PCSK7: variants seen among roughly 807,000 people sequenced by gnomAD.
PCSK7 encodes the protein lymphoma proprotein convertase.
In PCSK7, 38 loss-of-function variants were observed where a neutral mutation model predicts 73.3. The ratio of observed to expected loss-of-function variants is 0.52; its 90% CI spans 0.40 to 0.68. The LOEUF is 0.68. Ranked by LOEUF, PCSK7 falls within the 30% of genes least tolerant of loss-of-function variation. The pLI is 0.00. For missense variants in PCSK7, 692 were observed against 991.5 expected (o/e 0.70, Z 4.06); for synonymous variants, 296 against 383.8 (o/e 0.77, Z 2.68).
In PCSK7 at chr11:117,205,684, G is replaced by A. The variant is rs979762879; in HGVS notation, c.*313C>T. 4 of 298,472 alleles carry A rather than the reference G, an allele frequency of 1.3e-5. No individual in the cohort carries two copies. Among genetic ancestry groups the A allele is most frequent in the Non-Finnish European group, 2.5e-5 (4 of 162,182 alleles). 18.5% of individuals were successfully genotyped at this position (298,472 alleles called of 1,614,324 possible). A position where few individuals can be genotyped will look rare whatever the true frequency, so the allele number is the denominator to read the frequency against. On this transcript the variant is annotated 3_prime_UTR_variant, in exon 17 of 17. Coordinates refer to ENST00000320934, the MANE Select transcript of PCSK7 (RefSeq NM_004716.4). ...TTATATGTGGGAAGGGGTCCCCCATGCTTGGGGGACCTAGGCAGCTGGCTT... is the reference window on the plus strand; with the variant it reads ...TTATATGTGGGAAGGGGTCCCCCATACTTGGGGGACCTAGGCAGCTGGCTT...
At position 117,219,043 on chromosome 11, in the gene PCSK7, C is replaced by G. The variant is rs1565310872; in HGVS notation, c.1431+14G>C. On this transcript the variant is annotated intron_variant, in intron 11 of 16. Coordinates refer to ENST00000320934, the MANE Select transcript of PCSK7 (RefSeq NM_004716.4). ...CTCCACACAGGGCACCCTGCCCTGC[C>G]AACACCTGTTCACCTTGGCTGCATT... The G allele has an allele frequency of 6.3e-7, 1 of 1,590,426 alleles. No individual in the cohort carries two copies. The highest frequency in any genetic ancestry group is 1.1e-5 in the South Asian group (1 of 90,268).
chr11:117,227,432 T>C, intron 4 of PCSK7, 110 bp from the exon 5 acceptor site: 1 of 819,600 alleles, frequency 1.2e-6, no homozygotes. Context: ...GCTAGGGCGA[T>C]AAGCTCATTT....
chr11:117,227,056 G>A, intron 5 of PCSK7, 101 bp downstream of exon 5: 1 of 927,296 alleles, frequency 1.1e-6, no homozygotes, highest in East Asian at 2.4e-5. Context: ...GTGTCAGCTG[G>A]GCTATGGGAT....
Position 117,218,966 on chromosome 11 carries a change from G to T in PCSK7, c.1431+91C>A. 1 of 703,598 alleles carries T rather than the reference G, an allele frequency of 1.4e-6. No homozygotes were observed. Among genetic ancestry groups the T allele is most frequent in the South Asian group, 1.8e-5 (1 of 56,760 alleles). The allele number at this position is 703,598 out of a possible 1,614,324, so 43.6% of individuals were successfully genotyped here. A position where few individuals can be genotyped will look rare whatever the true frequency, so the allele number is the denominator to read the frequency against. ...AATGAACTGAATGAACATTTACTAG[G>T]CACCTATGATATCCCAGGCAGTTTG... On this transcript the variant is annotated intron_variant, in intron 11 of 16. Coordinates refer to ENST00000320934, the MANE Select transcript of PCSK7 (RefSeq NM_004716.4). This position sits in a 1 kb window ranked among gnomAD's most constrained non-coding sequence, Gnocchi z 4.0.
At chr11:117,207,621 TA>T (rs1286621608) in intron 14 of PCSK7, 42 of 523,220 alleles carry the variant, frequency 8.0e-5, no homozygotes, top group East Asian at 1.1e-4. Flanking sequence ...TGGGCCAGTT[TA>T]AAAAAAATGG....
rs1174445276 is a variant in PCSK7, at chr11:117,213,956, CTTTTTTTTT to C, written c.1534+4501_1534+4509del. 5 of 93,962 alleles carry C rather than the reference CTTTTTTTTT, an allele frequency of 5.3e-5. No individual in the cohort carries two copies. In the Admixed American group the frequency reaches 5.8e-4, roughly 11 times the overall value. 5.8% of individuals were successfully genotyped at this position (93,962 alleles called of 1,614,324 possible). A position where few individuals can be genotyped will look rare whatever the true frequency, so the allele number is the denominator to read the frequency against. On this transcript the variant is annotated intron_variant, in intron 12 of 16. Transcript: ENST00000320934. ...AATCTTTTTCTTTTCTTTTCTTTTT[CTTTTTTTTT>C]TTTTTTTTTTTAGACGGAGTCTTGC...
chr11:117,224,585 T>G, intron 7 of PCSK7, 116 bp downstream of exon 7: 1 of 887,286 alleles, frequency 1.1e-6, no homozygotes, highest in Admixed American at 1.8e-5. Context: ...GTTCTCTTCC[T>G]GAAAGGAGAC....
chr11:117,229,804 G>T lies in PCSK7; in HGVS notation c.41C>A (p.Pro14His). The change falls in exon 3 of 17, where the codon CCC (proline) becomes CAC (histidine). Residue 14 changes from proline to histidine, a missense_variant. By Grantham distance (77) the Pro-to-His change is moderately conservative. This residue lies in a region of PCSK7 where 574 missense variants were observed against 689.8 expected (regional missense o/e 0.83). Transcript: ENST00000320934. The stretch of plus-strand genomic sequence containing the variant: ...CCAGAGGCAGGTGGGCAGGCCCAGG[G>T]GGGCATCCAAGTGTGGCACTTTCTG... ...GRQKVPHLDAPLGLPTCLWLE... is the reference protein window; with the variant it reads ...GRQKVPHLDAHLGLPTCLWLE... 6.3e-7 allele frequency: 1 copy of T among 1,598,060 alleles called. No homozygotes were observed. Among genetic ancestry groups the T allele is most frequent in the South Asian group, 1.1e-5 (1 of 89,130 alleles).
chr11:117,225,809 T>C, intron 6 of PCSK7, 122 bp downstream of exon 6: 3 of 677,542 alleles, frequency 4.4e-6, no homozygotes, highest in Middle Eastern at 7.8e-4. Flanking sequence ...ATGGACTTAT[T>C]AGCTGAACCC....
At chr11:117,206,833 GA>G in intron 15 of PCSK7, 35 bp from the exon 16 acceptor site, 5 of 686,532 alleles carry the variant, frequency 7.3e-6, no homozygotes, top group Non-Finnish European at 1.3e-5. Context: ...ATGCCCCACT[GA>G]CTATGGTTCC....
At chr11:117,223,091 A>C (rs1315817665) in intron 9 of PCSK7, 117 bp downstream of exon 9, 1 of 724,356 alleles carries the variant, frequency 1.4e-6, no homozygotes, top group Non-Finnish European at 2.5e-6. Flanking sequence ...TCTGTGGGGG[A>C]AGAGGAGCCT....
intron 6 of PCSK7, chr11:117,225,055 C>CTTTTT (rs571538440): frequency 0.094 from 12,524 of 133,940 alleles, 749 homozygotes; most frequent in Non-Finnish European, 0.12. Flanking sequence ...ACATGTAGAC[C>CTTTTT]TTTTTTTTTT....
chr11:117,219,228 T>C (rs897786958), intron 10 of PCSK7, 64 bp from the exon 11 acceptor site: 3 of 1,187,914 alleles, frequency 2.5e-6, no homozygotes, highest in Non-Finnish European at 2.4e-6. Context: ...AATCTGACTC[T>C]GGTTTCCCTG....
At chr11:117,224,861 CTCCTCCCAAGGGT>C (rs2032351212) in intron 6 of PCSK7, 106 bp from the exon 7 acceptor site, 7 of 816,972 alleles carry the variant, frequency 8.6e-6, no homozygotes, top group Non-Finnish European at 1.5e-5. Flanking sequence ...CAGCTCTTAA[CTCCTCCCAAGGGT>C]TCCACTTAAA....
intron 1 of PCSK7, among the ~76,000 whole-genome samples, chr11:117,230,699 C>T (rs2032614305): frequency 6.6e-6 from 1 of 152,126 alleles, no homozygotes; most frequent in Non-Finnish European, 1.5e-5. Flanking sequence ...ATTTTGTTCC[C>T]CAGAGGCCTA....
intron 10 of PCSK7, chr11:117,219,381 C>T (rs982661300): frequency 3.2e-6 from 2 of 634,730 alleles, no homozygotes; most frequent in Non-Finnish European, 5.4e-6. Flanking sequence ...CCAGGAGGCA[C>T]AGCCAGAGCT....
chr11:117,224,853 G>A (rs1325408571), intron 6 of PCSK7, 98 bp from the exon 7 acceptor site: 3 of 844,312 alleles, frequency 3.6e-6, no homozygotes, highest in Non-Finnish European at 6.2e-6. Context: ...TTGACCTGCA[G>A]CTCTTAACTC....
chr11:117,211,404 C>T (rs1358871185), intron 12 of PCSK7: 1 of 152,240 alleles, frequency 6.6e-6, no homozygotes, highest in Non-Finnish European at 1.5e-5. Context: ...CACGAGCCAC[C>T]ACACCCAGCC....
chr11:117,224,851 C>T lies in PCSK7; in HGVS notation c.861-96G>A, dbSNP rs533147984. 15 of 847,468 alleles carry T rather than the reference C, an allele frequency of 1.8e-5. No individual in the cohort carries two copies. The African/African-American group carries it at 2.5e-4, about 14-fold the overall frequency. The allele number at this position is 847,468 out of a possible 1,614,324, so 52.5% of individuals were successfully genotyped here. A position where few individuals can be genotyped will look rare whatever the true frequency, so the allele number is the denominator to read the frequency against. On this transcript the variant is annotated intron_variant, in intron 6 of 16. Coordinates refer to ENST00000320934, the MANE Select transcript of PCSK7 (RefSeq NM_004716.4). ...TCTCAGCTGGCTGCCCTTTGACCTGCAGCTCTTAACTCCTCCCAAGGGTTC... is the reference window on the plus strand; with the variant it reads ...TCTCAGCTGGCTGCCCTTTGACCTGTAGCTCTTAACTCCTCCCAAGGGTTC...
Sources: gnomAD v4.1 joint callset for allele counts (sites outside exome capture counted in the v4.1 genomes callset) on GRCh38, gnomAD v4.1.1 for gene constraint, gnomAD v4.1.1 regional missense constraint, Gnocchi (gnomAD v3.1) non-coding constraint, MANE v1.5 for transcripts, NCBI Gene and HGNC (gene_info 2026-07-23, HGNC 2026-07-21) for gene names.